The following SBNO2 variants were observed in gnomAD, a reference collection of about 807,000 sequenced individuals.
SBNO2 encodes the protein protein strawberry notch homolog 2.
A neutral mutation model predicts 146.3 loss-of-function variants in SBNO2; 89 were observed. The observed-to-expected ratio is 0.61, with a 90% CI of 0.51 to 0.73. The LOEUF (loss-of-function observed/expected upper bound fraction) is 0.73. Among genes scored for constraint, SBNO2 ranks in the 30% least tolerant of loss-of-function variants. The pLI, the probability that SBNO2 is intolerant of heterozygous loss-of-function variation, is 0.00. For synonymous variants in SBNO2, 1,147 were observed against 892.6 expected, an observed-to-expected ratio of 1.29 and a Z score of -5.08; for missense variants, 2,092 against 2,003.7, an observed-to-expected ratio of 1.04 and a Z score of -0.84.
chr19:1,164,912 CAGGAGG>C (rs1176552381), intron 1 of SBNO2, among the ~76,000 whole-genome samples: 134 of 4,118 alleles, frequency 0.033, 3 homozygotes, highest in African/African-American at 0.11. Context: ...GGAGGAGGCA[CAGGAGG>C]AGGAGGAGGA....
Position 1,126,439 on chromosome 19 carries a change from C to T in SBNO2, c.441+1165G>A, listed in dbSNP as rs1043748175. ...TCTTTCCTCACGCCCTGCTGAGGACCTGGGAGCTAGCTGGGAGGGCACGGG... is the reference window on the plus strand; with the variant it reads ...TCTTTCCTCACGCCCTGCTGAGGACTTGGGAGCTAGCTGGGAGGGCACGGG... On this transcript the variant is annotated intron_variant, in intron 5 of 31. Transcript: ENST00000361757. This position sits in a 1 kb window ranked among gnomAD's most constrained non-coding sequence, Gnocchi z 4.4. Among the ~76,000 whole-genome samples, 5 of 152,158 alleles carry T rather than the reference C, an allele frequency of 3.3e-5. No homozygotes were observed. The highest frequency in any genetic ancestry group is 5.9e-5 in the Non-Finnish European group (4 of 68,020).
chr19:1,115,043 C>T (rs547031214), intron 17 of SBNO2, among the ~76,000 whole-genome samples: 1 of 152,204 alleles, frequency 6.6e-6, no homozygotes, highest in South Asian at 2.1e-4. Flanking sequence ...AATTCCCCTG[C>T]CTCAGCCTCC....
In SBNO2 at chr19:1,111,991, A is replaced by G; in HGVS notation, c.2700+5T>C. Reference sequence around the variant, plus strand: ...CGCCCCCCAACCCTGCCTTCCCTGCAGTACCTTGTTCTCAAAGTTGTACTT... The same window carrying G: ...CGCCCCCCAACCCTGCCTTCCCTGCGGTACCTTGTTCTCAAAGTTGTACTT... On this transcript the variant is annotated splice_donor_5th_base_variant and intron_variant, in intron 23 of 31. Coordinates refer to ENST00000361757, the MANE Select transcript of SBNO2 (RefSeq NM_014963.3). The G allele has an allele frequency of 6.3e-7, 1 of 1,577,142 alleles. No homozygotes were observed. Among genetic ancestry groups the G allele is most frequent in the Non-Finnish European group, 8.6e-7 (1 of 1,160,176 alleles).
intron 17 of SBNO2, 176 bp downstream of exon 17, chr19:1,115,845 A>G: frequency 1.6e-6 from 1 of 643,026 alleles, no homozygotes; most frequent in Non-Finnish European, 2.8e-6. Flanking sequence ...GTTCCATGGC[A>G]GGGTCCACGC....
chr19:1,108,941 C>T lies in SBNO2; in HGVS notation c.3454G>A (p.Gly1152Ser), dbSNP rs772846759. 1.9e-6 allele frequency: 3 copies of T among 1,557,318 alleles called. No homozygotes were observed. The highest frequency in any genetic ancestry group is 2.6e-6 in the Non-Finnish European group (3 of 1,158,508). ...CGCAGCCCCTGCAGGCAGTCCTTAC[C>T]CTCCTGCGCCAGCCGGCAGTGCCGG... Reference protein sequence around the residue: ...WNRHCRLAQEGKDCLQGLRLR... With the variant: ...WNRHCRLAQESKDCLQGLRLR... Residue 1152 changes from glycine (G) to serine (S), a missense_variant, in exon 31 of 32, where the codon GGT (glycine) becomes AGT (serine). Gly to Ser is a moderately conservative substitution (Grantham distance 56, BLOSUM62 0). Transcript: ENST00000361757.
At chr19:1,170,987 C>T (rs1229215201) in intron 1 of SBNO2, among the ~76,000 whole-genome samples, 2 of 151,998 alleles carry the variant, frequency 1.3e-5, no homozygotes, top group South Asian at 2.1e-4. Context: ...ACACAACATA[C>T]GAGGACAGGC....
intron 13 of SBNO2, 105 bp downstream of exon 13, chr19:1,119,411 G>A (rs2079872247): frequency 1.0e-6 from 1 of 980,854 alleles, no homozygotes; most frequent in African/African-American, 1.6e-5. Context: ...AGCACCTCTG[G>A]GTGCTGGGGA....
In SBNO2 at chr19:1,157,717, C is replaced by T. The variant is rs2080305331; in HGVS notation, c.-126-3315G>A. Among the ~76,000 whole-genome samples the T allele has an allele frequency of 6.6e-6, 1 of 152,146 alleles. No individual in the cohort carries two copies. Among genetic ancestry groups the T allele is most frequent in the South Asian group, 2.1e-4 (1 of 4,836 alleles). ...AAGAGAACGATGAAGGTGCTGGTGGCCCAGACAGGACAACCACTGGGAAGG... is the reference window on the plus strand; with the variant it reads ...AAGAGAACGATGAAGGTGCTGGTGGTCCAGACAGGACAACCACTGGGAAGG... On this transcript the variant is annotated intron_variant, in intron 1 of 31. Transcript: ENST00000361757. This position sits in a 1 kb window ranked among gnomAD's most constrained non-coding sequence, Gnocchi z 6.8.
In SBNO2 at chr19:1,143,931, A is replaced by G. The variant is rs556076843; in HGVS notation, c.279+3378T>C. Among the ~76,000 whole-genome samples, 14 of 152,308 alleles carry G rather than the reference A, an allele frequency of 9.2e-5. No homozygotes were observed. The South Asian group carries it at 2.9e-3, about 32-fold the overall frequency. On this transcript the variant is annotated intron_variant, in intron 4 of 31. Coordinates refer to ENST00000361757, the MANE Select transcript of SBNO2 (RefSeq NM_014963.3). ...GGCGACACGGCGGCAGGTCCTGGGG[A>G]TCAGGACGGGGACGTCTTGGAGGCT...
Position 1,122,552 on chromosome 19 carries a change from G to A in SBNO2, c.921C>T (p.Ser307=), listed in dbSNP as rs368959645. Residue 307 remains serine, a synonymous_variant, in exon 10 of 32, where the codon AGC becomes AGT. Transcript: ENST00000361757. ...LRGRKKALWF[S]VSNDLKYDAE... ...CATCGTACTTGAGGTCGTTGGAGAC[G>A]CTGAACCTGCGGGGTGGGGGCGTCA... is the stretch of plus-strand genomic sequence containing the variant. 4.3e-5 allele frequency: 67 copies of A among 1,540,244 alleles called. No individual in the cohort carries two copies. The highest frequency in any genetic ancestry group is 5.0e-5 in the Non-Finnish European group (57 of 1,143,476).
chr19:1,117,218 C>T, intron 15 of SBNO2, 105 bp downstream of exon 15: 2 of 1,193,240 alleles, frequency 1.7e-6, no homozygotes, highest in South Asian at 1.6e-5. Flanking sequence ...CAGGGTGCAG[C>T]CCCCGCCCAC....
chr19:1,108,415 G>A lies in SBNO2; in HGVS notation c.3906C>T (p.Ala1302=), dbSNP rs1017546869. The A allele has an allele frequency of 7.9e-6, 10 of 1,273,122 alleles. No homozygotes were observed. The South Asian group carries it at 1.9e-4, about 24-fold the overall frequency. The allele number at this position is 1,273,122 out of a possible 1,614,324, so 78.9% of individuals were successfully genotyped here. A position where few individuals can be genotyped will look rare whatever the true frequency, so the allele number is the denominator to read the frequency against. ...GTPDAQADPA[A]LAHQGCDINF... Reference sequence around the variant, plus strand: ...TGATGTCGCAGCCCTGGTGCGCGAGGGCCGCAGGGTCGGCCTGGGCGTCGG... The same window carrying A: ...TGATGTCGCAGCCCTGGTGCGCGAGAGCCGCAGGGTCGGCCTGGGCGTCGG... The change falls in exon 32 of 32, where the codon GCC becomes GCT. Residue 1302 remains alanine (A), a synonymous_variant. Transcript: ENST00000361757.
rs1453953429 is a variant in SBNO2 at position 1,109,255 on chromosome 19, G to A, written c.3348+37C>T. ...ATGAGCCTGGGCGGGGTCAGGGCCG[G>A]CAACCCGAGCGAAAGCTGCGCCCGG... is the stretch of plus-strand genomic sequence containing the variant. On this transcript the variant is annotated intron_variant, in intron 29 of 31. Transcript: ENST00000361757. This position sits in a 1 kb window ranked among gnomAD's most constrained non-coding sequence, Gnocchi z 4.2. The A allele has an allele frequency of 6.3e-7, 1 of 1,577,250 alleles. No individual in the cohort carries two copies. The highest frequency in any genetic ancestry group is 1.2e-5 in the South Asian group (1 of 86,636).
At chr19:1,163,477 C>T (rs1015967280) in intron 1 of SBNO2, among the ~76,000 whole-genome samples, 1 of 152,228 alleles carries the variant, frequency 6.6e-6, no homozygotes, top group Non-Finnish European at 1.5e-5. Context: ...GCGGCCGCCA[C>T]GAGAAGCTCG....
intron 1 of SBNO2, among the ~76,000 whole-genome samples, chr19:1,165,117 A>C (rs1408762453): frequency 6.6e-6 from 1 of 151,998 alleles, no homozygotes; most frequent in Non-Finnish European, 1.5e-5. Context: ...GGATCCAGCA[A>C]CCCCTGCGCA....
intron 4 of SBNO2, among the ~76,000 whole-genome samples, chr19:1,142,816 A>T (rs976173539): frequency 3.9e-5 from 6 of 151,934 alleles, no homozygotes; most frequent in Non-Finnish European, 7.4e-5. Context: ...AAAATATAAA[A>T]ATTAGCCGGG....
chr19:1,114,416 G>GGTCGCC lies in SBNO2; in HGVS notation c.1886_1891dup (p.Arg629_Arg630dup). On this transcript the variant is annotated inframe_insertion, in exon 18 of 32. Coordinates refer to ENST00000361757, the MANE Select transcript of SBNO2 (RefSeq NM_014963.3). ...GGGGGCTTTGGCCCCGCGTCCCCGA[G>GGTCGCC]GTCGCCCTGCAGGGAAGGACAGGGT... 1 of 1,530,050 alleles carries GGTCGCC rather than the reference G, an allele frequency of 6.5e-7. No individual in the cohort carries two copies. Among genetic ancestry groups the GGTCGCC allele is most frequent in the Non-Finnish European group, 8.8e-7 (1 of 1,136,058 alleles). The allele number at this position is 1,530,050 out of a possible 1,614,324, so 94.8% of individuals were successfully genotyped here.
At position 1,124,057 on chromosome 19, in the gene SBNO2, C is replaced by T. The variant is rs370005793; in HGVS notation, c.442-35G>A. 4.5e-5 allele frequency: 71 copies of T among 1,592,324 alleles called. 1 individual carries two copies. Among genetic ancestry groups the T allele is most frequent in the South Asian group, 9.1e-5 (8 of 88,184 alleles). ...GAGCAGGATGTCAGCCCGGGCCAGACGGGACAGGTCACAGCTGGTGGGCCC... is the reference window on the plus strand; with the variant it reads ...GAGCAGGATGTCAGCCCGGGCCAGATGGGACAGGTCACAGCTGGTGGGCCC... On this transcript the variant is annotated intron_variant, in intron 5 of 31. Transcript: ENST00000361757.
intron 1 of SBNO2, among the ~76,000 whole-genome samples, chr19:1,164,537 AG>A: frequency 8.5e-6 from 1 of 117,106 alleles, no homozygotes; most frequent in South Asian, 3.4e-4. Flanking sequence ...GAGGAGGAGG[AG>A]GAGGAGGAGG....
Sources: allele counts gnomAD v4.1 joint callset (sites outside exome capture counted in the v4.1 genomes callset), GRCh38; gene constraint gnomAD v4.1.1; non-coding constraint Gnocchi (gnomAD v3.1); transcripts MANE v1.5; gene names NCBI Gene and HGNC (gene_info 2026-07-23, HGNC 2026-07-21).